CDH12: variants seen among roughly 807,000 people sequenced by gnomAD.
CDH12 encodes cadherin-12.
Under a neutral mutation model 74.1 loss-of-function variants are expected in CDH12, and 41 were observed. The ratio of observed to expected loss-of-function variants is 0.55; its 90% CI spans 0.43 to 0.72. The LOEUF (loss-of-function observed/expected upper bound fraction) is 0.72. CDH12 is among the 30% of genes least tolerant of loss of function. The pLI, the probability that CDH12 is intolerant of heterozygous loss-of-function variation, is 0.00. For synonymous variants in CDH12, 399 were observed against 355.0 expected (o/e 1.12, Z -1.39); for missense variants, 945 against 977.2 (o/e 0.97, Z 0.44).
intron 3 of CDH12, among the ~76,000 whole-genome samples, chr5:22,396,724 G>A (rs1035748165): frequency 3.3e-5 from 5 of 152,088 alleles, no homozygotes; most frequent in African/African-American, 1.2e-4. Flanking sequence ...ATTTCAGCCA[G>A]TTTTTAAAAT....
chr5:21,885,637 A>T (rs1020914069), intron 6 of CDH12, among the ~76,000 whole-genome samples: 1 of 152,138 alleles, frequency 6.6e-6, no homozygotes, highest in African/African-American at 2.4e-5. Context: ...TTTGCCAAAA[A>T]ATATCTTCAT....
intron 2 of CDH12, among the ~76,000 whole-genome samples, chr5:22,439,228 G>A (rs1190918437): frequency 6.6e-6 from 1 of 151,748 alleles, no homozygotes; most frequent in Non-Finnish European, 1.5e-5. Context: ...AAGGACATTT[G>A]GACAGTAGCA....
At chr5:22,536,520 A>G (rs1016851235) in intron 1 of CDH12, among the ~76,000 whole-genome samples, 4 of 152,118 alleles carry the variant, frequency 2.6e-5, no homozygotes, top group Non-Finnish European at 5.9e-5. Context: ...ACAGGTCCTA[A>G]TATAGTTATT....
At chr5:22,828,497 C>T (rs576741642) in intron 1 of CDH12, among the ~76,000 whole-genome samples, 6 of 152,158 alleles carry the variant, frequency 3.9e-5, no homozygotes, top group South Asian at 2.1e-4. Flanking sequence ...CTGGTTGACA[C>T]GAAGTAGGAA....
At chr5:21,820,092 A>T (rs994637776) in intron 8 of CDH12, among the ~76,000 whole-genome samples, 1 of 151,572 alleles carries the variant, frequency 6.6e-6, no homozygotes, top group African/African-American at 2.4e-5. Flanking sequence ...AATATGGGGG[A>T]AAAAAAATTA....
chr5:22,007,349 G>T (rs1311910759), intron 5 of CDH12, among the ~76,000 whole-genome samples: 1 of 152,056 alleles, frequency 6.6e-6, no homozygotes, highest in Non-Finnish European at 1.5e-5. Flanking sequence ...TTAATATCTG[G>T]TAAGTATGTG....
Position 22,698,122 on chromosome 5 carries a change from C to CT in CDH12, c.-523+154935dup, listed in dbSNP as rs10677695. On this transcript the variant is annotated intron_variant, in intron 1 of 14. Coordinates refer to ENST00000382254, the MANE Select transcript of CDH12 (RefSeq NM_004061.5). ...CCTTAATGCCCGCATAAAGGCAGGG[C>CT]TTTTTTTTTTTTTTTTGAGATGGAG... Among the ~76,000 whole-genome samples, 883 of 91,144 alleles carry CT rather than the reference C, an allele frequency of 9.7e-3. 48 individuals carry two copies. Among genetic ancestry groups the CT allele is most frequent in the African/African-American group, 0.031 (727 of 23,356 alleles). 59.8% of individuals were successfully genotyped at this position (91,144 alleles called of 152,430 possible). A position where few individuals can be genotyped will look rare whatever the true frequency, so the allele number is the denominator to read the frequency against.
intron 6 of CDH12, among the ~76,000 whole-genome samples, chr5:21,882,193 T>A (rs1207722236): frequency 5.9e-5 from 9 of 152,220 alleles, no homozygotes; most frequent in African/African-American, 1.9e-4. Flanking sequence ...CAATGATGCA[T>A]CATGATGATT....
intron 2 of CDH12, among the ~76,000 whole-genome samples, chr5:22,442,055 A>G (rs1459832321): frequency 6.6e-6 from 1 of 152,156 alleles, no homozygotes; most frequent in African/African-American, 2.4e-5. Flanking sequence ...AAGGATTTAA[A>G]GTAATATAAC....
At chr5:22,179,613 G>A (rs1467459092) in intron 4 of CDH12, among the ~76,000 whole-genome samples, 1 of 152,066 alleles carries the variant, frequency 6.6e-6, no homozygotes, top group East Asian at 1.9e-4. Context: ...TTAGCTGATG[G>A]TACATAGCTC....
chr5:22,729,185 T>G (rs1744309212), intron 1 of CDH12, among the ~76,000 whole-genome samples: 1 of 151,832 alleles, frequency 6.6e-6, no homozygotes. Context: ...AGGATTTTTC[T>G]CAGGGTCTCA....
At chr5:22,292,245 C>T (rs1035692401) in intron 3 of CDH12, among the ~76,000 whole-genome samples, 2 of 151,700 alleles carry the variant, frequency 1.3e-5, no homozygotes, top group Non-Finnish European at 2.9e-5. Context: ...ACTATGAAAC[C>T]ACTAGAAGAA....
At chr5:22,313,841 G>A (rs1046389012) in intron 3 of CDH12, among the ~76,000 whole-genome samples, 14 of 151,770 alleles carry the variant, frequency 9.2e-5, no homozygotes, top group Non-Finnish European at 1.2e-4. Context: ...GGGGCCCAGG[G>A]ATAAAAATCT....
chr5:22,046,426 A>ATTTTTTTTT (rs1739955012), intron 5 of CDH12, among the ~76,000 whole-genome samples: 13 of 127,450 alleles, frequency 1.0e-4, no homozygotes, highest in African/African-American at 4.9e-4. Context: ...TGGTCATTTA[A>ATTTTTTTTT]TTTCTTTTTT....
At chr5:22,548,098 A>G (rs1338697320) in intron 1 of CDH12, among the ~76,000 whole-genome samples, 3 of 152,184 alleles carry the variant, frequency 2.0e-5, no homozygotes, top group Non-Finnish European at 4.4e-5. Flanking sequence ...ACACACTAAA[A>G]ACATCTACTT....
At chr5:22,525,672 C>T (rs1237796470) in intron 1 of CDH12, among the ~76,000 whole-genome samples, 3 of 152,180 alleles carry the variant, frequency 2.0e-5, no homozygotes, top group Non-Finnish European at 4.4e-5. Context: ...CCCCATCTCT[C>T]TTTGTTTTCA....
At chr5:22,645,898 T>C (rs1434052819) in intron 1 of CDH12, among the ~76,000 whole-genome samples, 1 of 151,922 alleles carries the variant, frequency 6.6e-6, no homozygotes, top group African/African-American at 2.4e-5. Flanking sequence ...TTAGACATAA[T>C]ACTATTGCAT....
At chr5:22,605,270 T>C (rs552734422) in intron 1 of CDH12, among the ~76,000 whole-genome samples, 1 of 152,294 alleles carries the variant, frequency 6.6e-6, no homozygotes, top group African/African-American at 2.4e-5. Context: ...GTCTTCTTAA[T>C]TGCATGAGCC....
At chr5:22,651,396 G>A (rs536601269) in intron 1 of CDH12, among the ~76,000 whole-genome samples, 1 of 152,168 alleles carries the variant, frequency 6.6e-6, no homozygotes, top group South Asian at 2.1e-4. Flanking sequence ...TGGCTGGGGA[G>A]GCCTCAGGAA....
Sources: gnomAD v4.1 joint callset for allele counts (sites outside exome capture counted in the v4.1 genomes callset) on GRCh38, gnomAD v4.1.1 for gene constraint, MANE v1.5 for transcripts, NCBI Gene and HGNC (gene_info 2026-07-23, HGNC 2026-07-21) for gene names.